CELF2: variants seen among roughly 807,000 people sequenced by gnomAD.
CELF2 encodes CUGBP Elav-like family member 2.
In CELF2, 8 loss-of-function variants were observed where a neutral mutation model predicts 62.6. That is an observed-to-expected ratio of 0.13 (90% CI 0.07 to 0.23). The LOEUF (loss-of-function observed/expected upper bound fraction) is 0.23. Ranked by LOEUF, CELF2 falls within the 10% of genes least tolerant of loss-of-function variation. CELF2 has a pLI of 1.00. For synonymous variants in CELF2, 258 were observed against 250.0 expected, an observed-to-expected ratio of 1.03 and a Z score of -0.30; for missense variants, 333 against 671.0, an observed-to-expected ratio of 0.50 and a Z score of 5.56.
chr10:10,777,635 T>C, the CELF2 span, among the ~76,000 whole-genome samples: 360 of 152,300 alleles, frequency 2.4e-3, 2 homozygotes, highest in African/African-American at 6.4e-3. Flanking sequence ...CAATCTTTCT[T>C]CGTTCCAGTC....
chr10:11,315,280 G>GC lies in CELF2; in HGVS notation c.1096+1023dup, dbSNP rs1370988833. 6.6e-6 allele frequency among the ~76,000 whole-genome samples: 1 copy of GC among 152,126 alleles called. No homozygotes were observed. The highest frequency in any genetic ancestry group is 1.5e-5 in the Non-Finnish European group (1 of 68,030). On this transcript the variant is annotated intron_variant, in intron 10 of 12. Coordinates refer to ENST00000633077, the MANE Select transcript of CELF2 (RefSeq NM_001326342.2). The surrounding 1 kb of genome is among the most constrained non-coding windows in gnomAD (Gnocchi z 5.8). The stretch of plus-strand genomic sequence containing the variant: ...AGCTGCTGATACGGGAGCCCAGTTA[G>GC]CTACCATGCAGCCCAGGCACCCCGG...
chr10:11,013,892 A>G (rs970149050), upstream of CELF2, among the ~76,000 whole-genome samples: 2 of 152,246 alleles, frequency 1.3e-5, no homozygotes, highest in Admixed American at 1.3e-4. This position sits in a 1 kb window ranked among gnomAD's most constrained non-coding sequence, Gnocchi z 4.1. Flanking sequence ...GTTTTTTGTT[A>G]ACACATTAAA....
chr10:10,747,493 G>A, the CELF2 span, among the ~76,000 whole-genome samples: 26 of 152,284 alleles, frequency 1.7e-4, no homozygotes, highest in African/African-American at 6.0e-4. Flanking sequence ...GAAGGCGGCA[G>A]GCACCTGAAC....
the CELF2 span, among the ~76,000 whole-genome samples, chr10:10,501,378 G>A: frequency 6.6e-6 from 1 of 152,042 alleles, no homozygotes; most frequent in Non-Finnish European, 1.5e-5. Flanking sequence ...AATATTTTCA[G>A]GTGCTTATTT....
At chr10:10,994,912 G>A (rs2053797375) in intron 2 of CELF2, among the ~76,000 whole-genome samples, 1 of 152,054 alleles carries the variant, frequency 6.6e-6, no homozygotes, top group African/African-American at 2.4e-5. Flanking sequence ...CCTCTGCAGG[G>A]CTATCTCACA....
chr10:10,702,703 G>C, the CELF2 span, among the ~76,000 whole-genome samples: 1 of 152,152 alleles, frequency 6.6e-6, no homozygotes, highest in Non-Finnish European at 1.5e-5. Flanking sequence ...TCCTGCCTCA[G>C]CCTCCTGAGT....
rs554489725 is a variant in CELF2, at chr10:10,963,986, C to T, written c.89+43987C>T. 7.2e-5 allele frequency among the ~76,000 whole-genome samples: 11 copies of T among 152,194 alleles called. No homozygotes were observed. In the East Asian group the frequency reaches 1.9e-3, roughly 27 times the overall value. On this transcript the variant is annotated intron_variant, in intron 2 of 13. Coordinates refer to the CELF2 transcript ENST00000636488. Reference sequence around the variant, plus strand: ...TTCTTTCATAAACTAGAATCTAAATCTAATATGATGTGCTCCCACTCAGCC... The same window carrying T: ...TTCTTTCATAAACTAGAATCTAAATTTAATATGATGTGCTCCCACTCAGCC...
At position 11,157,439 on chromosome 10, in the gene CELF2, T is replaced by C. The variant is rs1207393615; in HGVS notation, c.75-8047T>C. On this transcript the variant is annotated intron_variant, in intron 1 of 12. Transcript: ENST00000633077. This position sits in a 1 kb window ranked among gnomAD's most constrained non-coding sequence, Gnocchi z 4.9. ...TTCACTTAAACATTGCTCACAGGGATGCAGCATAGTTCAGAATGCCAAATG... is the reference window on the plus strand; with the variant it reads ...TTCACTTAAACATTGCTCACAGGGACGCAGCATAGTTCAGAATGCCAAATG... Among the ~76,000 whole-genome samples the C allele has an allele frequency of 6.6e-6, 1 of 152,148 alleles. No homozygotes were observed. Among genetic ancestry groups the C allele is most frequent in the Non-Finnish European group, 1.5e-5 (1 of 68,012 alleles).
the CELF2 span, among the ~76,000 whole-genome samples, chr10:10,558,232 T>G: frequency 3.6e-4 from 55 of 152,094 alleles, no homozygotes; most frequent in African/African-American, 1.3e-3. Context: ...TTATTGAGAG[T>G]TTTTAGCATG....
chr10:10,882,644 A>G (rs1271642901), intron 1 of CELF2, among the ~76,000 whole-genome samples: 1 of 152,192 alleles, frequency 6.6e-6, no homozygotes, highest in Non-Finnish European at 1.5e-5. Flanking sequence ...GAACCTCTCT[A>G]GCGTGTTAAG....
At chr10:10,828,688 A>G (rs950606916) in intron 1 of CELF2, among the ~76,000 whole-genome samples, 1 of 115,592 alleles carries the variant, frequency 8.7e-6, no homozygotes, top group Non-Finnish European at 1.8e-5. Flanking sequence ...AAATCAACAG[A>G]TAAAATGGAT....
chr10:10,551,574 A>T, the CELF2 span, among the ~76,000 whole-genome samples: 1 of 152,126 alleles, frequency 6.6e-6, no homozygotes, highest in African/African-American at 2.4e-5. Flanking sequence ...TGGCTGAGAG[A>T]AGCAAGTGTA....
chr10:10,802,085 C>G (rs961933756), intron 1 of CELF2, among the ~76,000 whole-genome samples: 1 of 152,120 alleles, frequency 6.6e-6, no homozygotes, highest in African/African-American at 2.4e-5. Context: ...TACAAACACT[C>G]CAGCTGCATT....
chr10:11,235,115 A>G (rs2070664446), intron 3 of CELF2, among the ~76,000 whole-genome samples: 1 of 149,518 alleles, frequency 6.7e-6, no homozygotes, highest in East Asian at 2.1e-4. Context: ...TGTTCTTTCC[A>G]CTAACAAAAA....
chr10:11,169,825 C>T lies in CELF2; in HGVS notation c.271+4143C>T, dbSNP rs146211615. 4.4e-3 allele frequency among the ~76,000 whole-genome samples: 672 copies of T among 152,232 alleles called. 8 individuals carry two copies. Among genetic ancestry groups the T allele is most frequent in the African/African-American group, 0.016 (647 of 41,530 alleles). On this transcript the variant is annotated intron_variant, in intron 2 of 12. Coordinates refer to ENST00000633077, the MANE Select transcript of CELF2 (RefSeq NM_001326342.2). ...GAGGACTTGATAACTAAATTGGGCT[C>T]AGTGAAGACCAGGAGGCTTTGGCTT... is the stretch of plus-strand genomic sequence containing the variant.
intron 2 of CELF2, among the ~76,000 whole-genome samples, chr10:10,926,509 CTGTTA>C (rs2065471560): frequency 6.6e-6 from 1 of 152,186 alleles, no homozygotes; most frequent in Non-Finnish European, 1.5e-5. Context: ...CTGTGTGATT[CTGTTA>C]TAACAGCACA....
intron 2 of CELF2, among the ~76,000 whole-genome samples, chr10:10,940,733 A>G (rs912861363): frequency 7.9e-5 from 12 of 152,312 alleles, no homozygotes; most frequent in African/African-American, 2.4e-4. Context: ...CTGTCTGGCC[A>G]AGCATAAATC....
At chr10:11,004,295 T>C (rs1443024538), upstream of CELF2, among the ~76,000 whole-genome samples, 1 of 152,154 alleles carries the variant, frequency 6.6e-6, no homozygotes, top group East Asian at 1.9e-4. This position sits in a 1 kb window ranked among gnomAD's most constrained non-coding sequence, Gnocchi z 5.0. Flanking sequence ...TGTTGTTCCA[T>C]CCAAGCTGAG....
At chr10:11,195,109 A>C (rs1436133408) in intron 2 of CELF2, among the ~76,000 whole-genome samples, 1 of 152,316 alleles carries the variant, frequency 6.6e-6, no homozygotes, top group East Asian at 1.9e-4. Context: ...TATGATACTC[A>C]TCGTCAGCAT....
Sources: gnomAD v4.1 joint callset for allele counts (sites outside exome capture counted in the v4.1 genomes callset) on GRCh38, gnomAD v4.1.1 for gene constraint, Gnocchi (gnomAD v3.1) non-coding constraint, MANE v1.5 for transcripts, NCBI Gene and HGNC (gene_info 2026-07-23, HGNC 2026-07-21) for gene names.